Variants in STUM observed in about 807,000 individuals in gnomAD.
STUM encodes the protein protein stum homolog.
In STUM, 8 loss-of-function variants were observed where a neutral mutation model predicts 15.3. The ratio of observed to expected loss-of-function variants is 0.52; its 90% CI spans 0.31 to 0.94. The LOEUF is 0.94. Ranked by LOEUF, STUM falls within the 40% of genes least tolerant of loss-of-function variation. The pLI is 0.05. For synonymous variants in STUM, 78 were observed against 88.7 expected, an observed-to-expected ratio of 0.88 and a Z score of 0.68; for missense variants, 142 against 204.9, an observed-to-expected ratio of 0.69 and a Z score of 1.87.
At chr1:226,579,429 TG>T (rs1257490646) in intron 1 of STUM, among the ~76,000 whole-genome samples, 2 of 152,280 alleles carry the variant, frequency 1.3e-5, no homozygotes, top group African/African-American at 4.8e-5. Context: ...TCCCTGTCCA[TG>T]TGGTGCTTCC....
chr1:226,569,556 C>T (rs1667674413), intron 1 of STUM, among the ~76,000 whole-genome samples: 1 of 152,214 alleles, frequency 6.6e-6, no homozygotes. Flanking sequence ...CTCAGAATCC[C>T]TTGGGACGCT....
intron 1 of STUM, among the ~76,000 whole-genome samples, chr1:226,553,055 T>C (rs1230437832): frequency 2.0e-5 from 3 of 152,220 alleles, no homozygotes; most frequent in South Asian, 2.1e-4. Flanking sequence ...GTTTACAGCC[T>C]ACTAAACCTT....
At chr1:226,579,951 G>A (rs1242905638) in intron 1 of STUM, among the ~76,000 whole-genome samples, 1 of 152,140 alleles carries the variant, frequency 6.6e-6, no homozygotes, top group African/African-American at 2.4e-5. Flanking sequence ...TGAGCAATGG[G>A]AGCAGCCGAA....
intron 1 of STUM, among the ~76,000 whole-genome samples, chr1:226,593,537 A>C (rs1237403424): frequency 6.6e-6 from 1 of 152,094 alleles, no homozygotes; most frequent in Non-Finnish European, 1.5e-5. Flanking sequence ...TGCCCAGTAC[A>C]CTGTGAGTTC....
rs1667853497 is a variant in STUM at position 226,578,246 on chromosome 1, G to A, written c.203-18556G>A. Among the ~76,000 whole-genome samples the A allele has an allele frequency of 2.0e-5, 3 of 150,272 alleles. No individual in the cohort carries two copies. In the South Asian group the frequency reaches 6.4e-4, roughly 32 times the overall value. ...TTTCTTTATTTTTAATTTTAAAAAT[G>A]TTTTTAAAAAACTGAGATAAGGTCT... On this transcript the variant is annotated intron_variant, in intron 1 of 3. Coordinates refer to ENST00000366788, the MANE Select transcript of STUM (RefSeq NM_001003665.4).
At chr1:226,577,691 G>T (rs562486872) in intron 1 of STUM, among the ~76,000 whole-genome samples, 5 of 152,212 alleles carry the variant, frequency 3.3e-5, no homozygotes, top group African/African-American at 1.2e-4. Flanking sequence ...AAAGGGAGGG[G>T]GGGCCAGCAG....
At chr1:226,579,714 G>C (rs1269673409) in intron 1 of STUM, among the ~76,000 whole-genome samples, 2 of 149,224 alleles carry the variant, frequency 1.3e-5, no homozygotes, top group African/African-American at 5.0e-5. Context: ...CTGCAGCCTT[G>C]AACTCCTGGG....
At chr1:226,579,869 G>T (rs1458141473) in intron 1 of STUM, among the ~76,000 whole-genome samples, 3 of 152,006 alleles carry the variant, frequency 2.0e-5, no homozygotes, top group African/African-American at 7.3e-5. Flanking sequence ...CTCCAGCCTC[G>T]GCCTCCCAAC....
chr1:226,587,668 TG>T (rs1369815829), intron 1 of STUM, among the ~76,000 whole-genome samples: 1 of 152,126 alleles, frequency 6.6e-6, no homozygotes, highest in Admixed American at 6.5e-5. Flanking sequence ...AGAGGGCCTC[TG>T]GATGTGGGGG....
Position 226,596,797 on chromosome 1 carries a change from CACAG to C in STUM, c.203-4_203-1del. 6.2e-7 allele frequency: 1 copy of C among 1,608,672 alleles called. No individual in the cohort carries two copies. The highest frequency in any genetic ancestry group is 8.5e-7 in the Non-Finnish European group (1 of 1,175,734). On this transcript the variant is annotated splice_acceptor_variant and splice_polypyrimidine_tract_variant and intron_variant, in intron 1 of 3. Coordinates refer to ENST00000366788, the MANE Select transcript of STUM (RefSeq NM_001003665.4). LOFTEE classifies it high-confidence loss of function. ...CAGAAGGCTGTCCCCTCTGGCCTCT[CACAG>C]GGACATTCGTCTCGGCCTTCACTGT...
chr1:226,586,582 C>T (rs571411496), intron 1 of STUM, among the ~76,000 whole-genome samples: 3 of 152,178 alleles, frequency 2.0e-5, no homozygotes, highest in Admixed American at 6.5e-5. Flanking sequence ...AGCATCCCCA[C>T]AAGAGCTCCT....
rs1190313010 is a variant in STUM, at chr1:226,552,432, C to T, written c.202+3326C>T. 2.0e-5 allele frequency among the ~76,000 whole-genome samples: 3 copies of T among 152,148 alleles called. No individual in the cohort carries two copies. Among genetic ancestry groups the T allele is most frequent in the African/African-American group, 4.8e-5 (2 of 41,422 alleles). On this transcript the variant is annotated intron_variant, in intron 1 of 3. Transcript: ENST00000366788. This position sits in a 1 kb window ranked among gnomAD's most constrained non-coding sequence, Gnocchi z 4.7. ...ATTAGGGTGTTTATAAGTATATACA[C>T]GATTATTCATACCTGTAATGAAAGT...
chr1:226,588,282 C>T (rs972475450), intron 1 of STUM, among the ~76,000 whole-genome samples: 38 of 152,190 alleles, frequency 2.5e-4, no homozygotes, highest in African/African-American at 8.9e-4. Context: ...TGCTCAGCTT[C>T]GAACCCTGCG....
chr1:226,575,655 A>G (rs1009332754), intron 1 of STUM, among the ~76,000 whole-genome samples: 7 of 152,262 alleles, frequency 4.6e-5, no homozygotes, highest in African/African-American at 1.4e-4. Context: ...GTTCAACAGG[A>G]CAAGATTTCC....
At chr1:226,597,560 G>A (rs1021266427) in intron 2 of STUM, among the ~76,000 whole-genome samples, 1 of 152,188 alleles carries the variant, frequency 6.6e-6, no homozygotes, top group Admixed American at 6.5e-5. Context: ...GGTAAGCTGA[G>A]CCAGGTAAGA....
chr1:226,586,185 G>T (rs1023347910), intron 1 of STUM, among the ~76,000 whole-genome samples: 2 of 152,128 alleles, frequency 1.3e-5, no homozygotes, highest in South Asian at 4.2e-4. Flanking sequence ...AGGGTTCAGG[G>T]TGCACTGTTC....
chr1:226,582,164 G>T (rs1257128577), intron 1 of STUM, among the ~76,000 whole-genome samples: 1 of 152,208 alleles, frequency 6.6e-6, no homozygotes, highest in African/African-American at 2.4e-5. Flanking sequence ...CTGCTGTGCC[G>T]GCCCCTGCCC....
intron 1 of STUM, among the ~76,000 whole-genome samples, chr1:226,576,876 G>T: frequency 6.6e-6 from 1 of 152,170 alleles, no homozygotes; most frequent in Non-Finnish European, 1.5e-5. Context: ...AAACCCTTAT[G>T]AAAGGCTTGC....
chr1:226,600,709 G>A lies in STUM; in HGVS notation c.391+35G>A. 6.2e-7 allele frequency: 1 copy of A among 1,608,518 alleles called. No individual in the cohort carries two copies. On this transcript the variant is annotated intron_variant, in intron 3 of 3. Transcript: ENST00000366788. This position sits in a 1 kb window ranked among gnomAD's most constrained non-coding sequence, Gnocchi z 5.2. ...CGGATGGACGTGCGGGCCTCGTGCT[G>A]CTGCTTGGGGCCCTCCCCTCCCCCG...
Sources: allele counts gnomAD v4.1 joint callset (sites outside exome capture counted in the v4.1 genomes callset), GRCh38; gene constraint gnomAD v4.1.1; non-coding constraint Gnocchi (gnomAD v3.1); transcripts MANE v1.5; gene names NCBI Gene and HGNC (gene_info 2026-07-23, HGNC 2026-07-21).